The following CDH8 variants were observed in gnomAD, a reference collection of about 807,000 sequenced individuals.
CDH8 encodes cadherin 8.
Under a neutral mutation model 68.1 loss-of-function variants are expected in CDH8, and 17 were observed. That is an observed-to-expected ratio of 0.25 (90% confidence interval 0.17 to 0.37). The LOEUF (loss-of-function observed/expected upper bound fraction) is 0.37, where lower values mean the gene tolerates loss of function less well. CDH8 is among the 10% of genes least tolerant of loss of function. The pLI is 1.00. For missense variants in CDH8, 763 were observed against 999.3 expected, an observed-to-expected ratio of 0.76 and a Z score of 3.19; for synonymous variants, 372 against 365.1, an observed-to-expected ratio of 1.02 and a Z score of -0.21.
chr16:61,876,654 A>G (rs1963466795), intron 3 of CDH8, among the ~76,000 whole-genome samples: 1 of 152,146 alleles, frequency 6.6e-6, no homozygotes, highest in Non-Finnish European at 1.5e-5. Flanking sequence ...AACAAGCACT[A>G]TGAGATACTG....
At chr16:61,809,565 G>A (rs1430387842) in intron 7 of CDH8, among the ~76,000 whole-genome samples, 2 of 152,106 alleles carry the variant, frequency 1.3e-5, no homozygotes, top group Non-Finnish European at 2.9e-5. Context: ...AAACCTGCAC[G>A]TTCTGCACAT....
intron 8 of CDH8, among the ~76,000 whole-genome samples, chr16:61,753,785 T>A (rs182886578): frequency 3.9e-4 from 60 of 152,246 alleles, no homozygotes; most frequent in African/African-American, 1.2e-3. Context: ...AAAGAATTAA[T>A]ATGTACCATG....
chr16:61,726,705 G>T (rs143243410), intron 9 of CDH8: 6,981 of 279,954 alleles, frequency 0.025, 121 homozygotes, highest in Non-Finnish European at 0.034. Flanking sequence ...CTATTATTTG[G>T]TATTCATATG....
intron 1 of CDH8, among the ~76,000 whole-genome samples, chr16:62,031,661 A>C (rs1207267951): frequency 1.6e-5 from 2 of 125,540 alleles, no homozygotes; most frequent in Non-Finnish European, 3.3e-5. Flanking sequence ...AGAGAACTTA[A>C]ACACACACAC....
At chr16:61,955,925 A>G (rs1964980659) in intron 2 of CDH8, among the ~76,000 whole-genome samples, 1 of 152,214 alleles carries the variant, frequency 6.6e-6, no homozygotes, top group African/African-American at 2.4e-5. Context: ...GTACAATAGC[A>G]TGTAAATAAA....
At chr16:61,718,508 TAGAA>T (rs1162210205) in intron 9 of CDH8, among the ~76,000 whole-genome samples, 1 of 151,254 alleles carries the variant, frequency 6.6e-6, no homozygotes, top group Non-Finnish European at 1.5e-5. Context: ...TGTAAGGTGA[TAGAA>T]AGGGGGTGAA....
chr16:61,889,084 G>A (rs1963728509), intron 3 of CDH8, among the ~76,000 whole-genome samples: 1 of 152,132 alleles, frequency 6.6e-6, no homozygotes, highest in South Asian at 2.1e-4. Context: ...TTAGGATGGG[G>A]ATGTATATGA....
rs138599364 is a variant in CDH8, at chr16:61,966,508, A to T, written c.252+54644T>A. Among the ~76,000 whole-genome samples, 18 of 152,226 alleles carry T rather than the reference A, an allele frequency of 1.2e-4. No individual in the cohort carries two copies. The East Asian group carries it at 2.3e-3, about 20-fold the overall frequency. On this transcript the variant is annotated intron_variant, in intron 2 of 11. Transcript: ENST00000577390. Reference sequence around the variant, plus strand: ...AGCTGAGATCGTGCCACTGCCCTCCAGCCTGCGGACGGAGCAAGACTCCAT... The same window carrying T: ...AGCTGAGATCGTGCCACTGCCCTCCTGCCTGCGGACGGAGCAAGACTCCAT...
chr16:61,771,989 C>T (rs1432040743), intron 8 of CDH8, among the ~76,000 whole-genome samples: 4 of 151,932 alleles, frequency 2.6e-5, no homozygotes, highest in Admixed American at 2.0e-4. Flanking sequence ...GAACAGACTT[C>T]AGCATCATTC....
At chr16:61,730,046 A>G (rs898958408) in intron 8 of CDH8, among the ~76,000 whole-genome samples, 2 of 151,276 alleles carry the variant, frequency 1.3e-5, no homozygotes, top group Non-Finnish European at 3.0e-5. Context: ...ACATGCATAT[A>G]CACATTTTCT....
At chr16:62,020,097 T>C (rs368382971) in intron 2 of CDH8, among the ~76,000 whole-genome samples, 1 of 152,196 alleles carries the variant, frequency 6.6e-6, no homozygotes, top group African/African-American at 2.4e-5. Flanking sequence ...CTCAATTTGT[T>C]TTGCAAGACA....
At chr16:61,985,802 C>T (rs1254228836) in intron 2 of CDH8, among the ~76,000 whole-genome samples, 1 of 151,206 alleles carries the variant, frequency 6.6e-6, no homozygotes, top group African/African-American at 2.4e-5. Context: ...CTGAAGAAAA[C>T]ATTGAAGCAA....
intron 7 of CDH8, among the ~76,000 whole-genome samples, chr16:61,807,418 C>T (rs1246845356): frequency 1.3e-5 from 2 of 151,552 alleles, no homozygotes; most frequent in Non-Finnish European, 2.9e-5. Flanking sequence ...CACATGTATA[C>T]ATACATATGT....
intron 2 of CDH8, among the ~76,000 whole-genome samples, chr16:61,972,046 C>T (rs140028399): frequency 1.1e-3 from 170 of 152,212 alleles, no homozygotes; most frequent in African/African-American, 3.9e-3. Context: ...ATAATCCCCA[C>T]GTGTCAGGGT....
At chr16:62,002,650 C>A (rs574337040) in intron 2 of CDH8, among the ~76,000 whole-genome samples, 1 of 152,142 alleles carries the variant, frequency 6.6e-6, no homozygotes, top group Non-Finnish European at 1.5e-5. Flanking sequence ...AAATAAACTT[C>A]TTTTTGTAAA....
At chr16:61,924,643 G>C (rs1407116334) in intron 2 of CDH8, among the ~76,000 whole-genome samples, 1 of 151,410 alleles carries the variant, frequency 6.6e-6, no homozygotes, top group Non-Finnish European at 1.5e-5. Context: ...GTGATTGATG[G>C]AACAATATAA....
intron 7 of CDH8, among the ~76,000 whole-genome samples, chr16:61,816,764 C>G (rs1316673786): frequency 6.8e-6 from 1 of 146,604 alleles, no homozygotes; most frequent in Non-Finnish European, 1.5e-5. Context: ...TACAGTACAA[C>G]AGAAAAAAAA....
At chr16:61,767,036 T>A (rs1960613902) in intron 8 of CDH8, among the ~76,000 whole-genome samples, 1 of 151,962 alleles carries the variant, frequency 6.6e-6, no homozygotes, top group Admixed American at 6.6e-5. Flanking sequence ...TCAGACATCT[T>A]GCTCTCTTGA....
chr16:61,653,722 C>A lies in CDH8; in HGVS notation c.2286G>T (p.Leu762Phe). 2 of 1,614,146 alleles carry A rather than the reference C, an allele frequency of 1.2e-6. No homozygotes were observed. Among genetic ancestry groups the A allele is most frequent in the Non-Finnish European group, 1.7e-6 (2 of 1,180,020 alleles). Residue 762 changes from leucine (L) to phenylalanine (F), a missense_variant, in exon 12 of 12, where the codon TTG (leucine) becomes TTT (phenylalanine). Physicochemically the swap from Leu to Phe is conservative, Grantham distance 22. Around this residue, in one of 2 missense-constraint regions of CDH8, gnomAD observed 397 missense variants for 436.2 expected, o/e 0.91. Transcript: ENST00000577390. ...RGSVAGSLSS[L>F]ESTTSDSDQN... ...GGTCTGAGTCTGATGTGGTGGACTC[C>A]AAGGAGCTGAGGGAGCCAGCCACTG...
Sources: allele counts gnomAD v4.1 joint callset (sites outside exome capture counted in the v4.1 genomes callset), GRCh38; gene constraint gnomAD v4.1.1; regional missense constraint gnomAD v4.1.1; transcripts MANE v1.5; gene names NCBI Gene and HGNC (gene_info 2026-07-23, HGNC 2026-07-21).